Variants in TRDN observed in about 807,000 individuals in gnomAD.
TRDN encodes the protein triadin in skeletal muscle.
In TRDN, 161 loss-of-function variants were observed where a neutral mutation model predicts 149.7. The observed-to-expected ratio is 1.08, with a 90% CI of 0.95 to 1.23. The LOEUF is 1.23. Among genes scored for constraint, TRDN ranks in the 50% most tolerant of loss-of-function variants. TRDN has a pLI of 0.00. For missense variants in TRDN, 896 were observed against 823.5 expected (o/e 1.09, Z -1.08); for synonymous variants, 294 against 250.5 (o/e 1.17, Z -1.64).
In TRDN at chr6:123,482,615, T is replaced by C. The variant is rs41398844; in HGVS notation, c.853+14578A>G. 1.8e-3 allele frequency among the ~76,000 whole-genome samples: 271 copies of C among 152,274 alleles called. 3 individuals are homozygous for C. Among genetic ancestry groups the C allele is most frequent in the African/African-American group, 6.4e-3 (265 of 41,562 alleles). ...AAACATTGTCATGAATTATAGAAAA[T>C]GGAAAAGGTCTACATCTTAATGCAA... is the stretch of plus-strand genomic sequence containing the variant. On this transcript the variant is annotated intron_variant, in intron 9 of 40. Coordinates refer to ENST00000334268, the MANE Select transcript of TRDN (RefSeq NM_006073.4).
chr6:123,627,865 C>T (rs945903790), intron 1 of TRDN, among the ~76,000 whole-genome samples: 25 of 152,164 alleles, frequency 1.6e-4, no homozygotes, highest in Admixed American at 3.3e-4. Context: ...TTTCTTAAAC[C>T]TCATGAACCA....
At chr6:123,300,774 A>C (rs1207215807) in intron 24 of TRDN, among the ~76,000 whole-genome samples, 1 of 151,988 alleles carries the variant, frequency 6.6e-6, no homozygotes, top group South Asian at 2.1e-4. Context: ...TAATTCTGGA[A>C]AGTTGCTGTC....
intron 12 of TRDN, among the ~76,000 whole-genome samples, chr6:123,401,135 C>A (rs1186126876): frequency 6.6e-6 from 1 of 152,308 alleles, no homozygotes; most frequent in South Asian, 2.1e-4. Context: ...ATTACGCAGA[C>A]TTCTTGAGCC....
At chr6:123,225,050 A>G (rs1300761875) in intron 38 of TRDN, among the ~76,000 whole-genome samples, 1 of 151,566 alleles carries the variant, frequency 6.6e-6, no homozygotes, top group African/African-American at 2.4e-5. Context: ...ATACAACTCA[A>G]TAACAAAAAA....
At chr6:123,469,573 T>A (rs940414994) in intron 9 of TRDN, 5 of 152,230 alleles carry the variant, frequency 3.3e-5, no homozygotes, top group Non-Finnish European at 7.3e-5. Context: ...GACATCCTTA[T>A]ACCTTCCATT....
At chr6:123,628,184 C>T (rs1051521343) in intron 1 of TRDN, among the ~76,000 whole-genome samples, 1 of 152,182 alleles carries the variant, frequency 6.6e-6, no homozygotes, top group Non-Finnish European at 1.5e-5. Flanking sequence ...GCATGCCTTC[C>T]TCAGTAAGCT....
intron 38 of TRDN, among the ~76,000 whole-genome samples, chr6:123,247,478 A>G (rs1196277578): frequency 6.6e-6 from 1 of 152,228 alleles, no homozygotes; most frequent in Admixed American, 6.5e-5. Context: ...GAGCCAAATC[A>G]TGAGTGAACT....
chr6:123,435,973 A>G (rs1774544100), intron 12 of TRDN, among the ~76,000 whole-genome samples: 1 of 152,074 alleles, frequency 6.6e-6, no homozygotes, highest in African/African-American at 2.4e-5. Flanking sequence ...CAAAAAGCTA[A>G]AACCAAGCCA....
chr6:123,577,016 A>T (rs1782891608), intron 1 of TRDN, among the ~76,000 whole-genome samples: 1 of 152,144 alleles, frequency 6.6e-6, no homozygotes. Flanking sequence ...GGGGAAAGTG[A>T]ATTTACAGGA....
Position 123,216,697 on chromosome 6 carries a change from C to T in TRDN, c.*1904G>A, listed in dbSNP as rs1482347643. 1.3e-5 allele frequency: 2 copies of T among 151,510 alleles called. No homozygotes were observed. The highest frequency in any genetic ancestry group is 2.9e-5 in the Non-Finnish European group (2 of 67,802). The allele number at this position is 151,510 out of a possible 1,614,324, so 9.4% of individuals were successfully genotyped here. A position where few individuals can be genotyped will look rare whatever the true frequency, so the allele number is the denominator to read the frequency against. ...ATATTAGACTGTTTGTCCCTATATC[C>T]CTATTTTACTCATGGAGAAACAAAC... On this transcript the variant is annotated 3_prime_UTR_variant, in exon 41 of 41. Coordinates refer to ENST00000334268, the MANE Select transcript of TRDN (RefSeq NM_006073.4).
At chr6:123,219,619 G>A (rs373060687) in intron 40 of TRDN, among the ~76,000 whole-genome samples, 7 of 151,872 alleles carry the variant, frequency 4.6e-5, no homozygotes, top group African/African-American at 1.4e-4. Context: ...AGCTGGAGAA[G>A]CAACCAGGGA....
At chr6:123,465,603 AAG>A (rs66549999) in intron 9 of TRDN, among the ~76,000 whole-genome samples, 12,602 of 130,100 alleles carry the variant, frequency 0.097, 696 homozygotes, top group South Asian at 0.2. Context: ...AAAAAAAAAA[AAG>A]AGAGAGAGAG....
At chr6:123,363,190 C>CA (rs915087213) in intron 20 of TRDN, among the ~76,000 whole-genome samples, 40 of 150,412 alleles carry the variant, frequency 2.7e-4, no homozygotes, top group South Asian at 1.3e-3. Context: ...ATCTTAAAAA[C>CA]AAAAAAAAAT....
chr6:123,614,672 A>G (rs1784996356), intron 1 of TRDN, among the ~76,000 whole-genome samples: 1 of 151,956 alleles, frequency 6.6e-6, no homozygotes. Flanking sequence ...AAAGACTTAA[A>G]TGTAAGGCCT....
chr6:123,549,852 C>A (rs1781300181), intron 2 of TRDN, among the ~76,000 whole-genome samples: 1 of 151,880 alleles, frequency 6.6e-6, no homozygotes, highest in Non-Finnish European at 1.5e-5. Flanking sequence ...TCCAGTGTGG[C>A]TGTGATGTGA....
At chr6:123,387,414 G>A (rs1463346386) in intron 14 of TRDN, among the ~76,000 whole-genome samples, 3 of 152,090 alleles carry the variant, frequency 2.0e-5, no homozygotes, top group Admixed American at 6.5e-5. Flanking sequence ...AAAATATGGT[G>A]AAATGAGTGA....
At chr6:123,316,332 G>A (rs1192644860) in intron 24 of TRDN, 125 bp downstream of exon 24, 1 of 880,376 alleles carries the variant, frequency 1.1e-6, no homozygotes, top group Non-Finnish European at 1.8e-6. Flanking sequence ...CATAGCATCA[G>A]TATTTTTTTA....
chr6:123,475,138 C>A (rs1366720777), intron 9 of TRDN, among the ~76,000 whole-genome samples: 9 of 150,632 alleles, frequency 6.0e-5, no homozygotes, highest in Admixed American at 5.3e-4. Flanking sequence ...TTGAAAGGAT[C>A]AACAAAATTG....
At position 123,503,789 on chromosome 6, in the gene TRDN, C is replaced by A. The variant is rs1488218157; in HGVS notation, c.723G>T (p.Gln241His). The A allele has an allele frequency of 8.1e-6, 13 of 1,613,266 alleles. No individual in the cohort carries two copies. Among genetic ancestry groups the A allele is most frequent in the Non-Finnish European group, 1.0e-5 (12 of 1,179,596 alleles). The change falls in exon 8 of 41, where the codon CAG becomes CAT. Residue 241 changes from glutamine (Q) to histidine (H), a missense_variant. By Grantham distance (24) the Gln-to-His change is conservative. Coordinates refer to ENST00000334268, the MANE Select transcript of TRDN (RefSeq NM_006073.4). ...TTTCTTTGGGTTTTGATGGTGTTTTCTGTACTTCTTTTACTTTTGCAGCTG... is the reference window on the plus strand; with the variant it reads ...TTTCTTTGGGTTTTGATGGTGTTTTATGTACTTCTTTTACTTTTGCAGCTG... ...KQTAAKVKEV[Q>H]KTPSKPKEKE...
Sources: allele counts gnomAD v4.1 joint callset (sites outside exome capture counted in the v4.1 genomes callset), GRCh38; gene constraint gnomAD v4.1.1; transcripts MANE v1.5; gene names NCBI Gene and HGNC (gene_info 2026-07-23, HGNC 2026-07-21).